Variants in FRYL observed in about 807,000 individuals in gnomAD.
FRYL encodes the protein FRY like transcription coactivator.
FRYL carries 150 observed loss-of-function variants against 351.2 expected under a neutral mutation model. The ratio of observed to expected loss-of-function variants is 0.43; its 90% CI spans 0.37 to 0.49. The LOEUF is 0.49. FRYL is among the 20% of genes least tolerant of loss of function. The probability of loss-of-function intolerance (pLI) is 0.00; values close to 1 mark genes in which losing one functional copy is unlikely to be tolerated. For missense variants in FRYL, 3,036 were observed against 3,619.3 expected, an observed-to-expected ratio of 0.84 and a Z score of 4.13; for synonymous variants, 1,153 against 1,257.1, an observed-to-expected ratio of 0.92 and a Z score of 1.75.
At chr4:48,602,282 AG>A (rs1745872577) in intron 12 of FRYL, among the ~76,000 whole-genome samples, 161 bp from the exon 13 acceptor site, 1 of 152,228 alleles carries the variant, frequency 6.6e-6, no homozygotes, top group African/African-American at 2.4e-5. Context: ...AATCTAACAC[AG>A]AAAGATAAAG....
chr4:48,713,347 C>T (rs977849681), intron 1 of FRYL, among the ~76,000 whole-genome samples: 5 of 152,038 alleles, frequency 3.3e-5, no homozygotes, highest in African/African-American at 1.2e-4. Context: ...AGAGTCACGA[C>T]CCATCAGTGT....
At position 48,512,517 on chromosome 4, in the gene FRYL, T is replaced by G; in HGVS notation, c.8109A>C (p.Ala2703=). 3 of 1,613,982 alleles carry G rather than the reference T, an allele frequency of 1.9e-6. No homozygotes were observed. The highest frequency in any genetic ancestry group is 2.5e-6 in the Non-Finnish European group (3 of 1,179,898). ...QMLSDTDGSS[A]VFTFHVFSRL... ...TAGAAAACACATGAAAAGTAAACAC[T>G]GCAGAGGACCCGTCGGTGTCAGACA... Residue 2703 remains alanine (A), a synonymous_variant, in exon 57 of 64, where the codon GCA becomes GCC. Coordinates refer to ENST00000358350, the MANE Select transcript of FRYL (RefSeq NM_015030.2).
chr4:48,675,660 C>T (rs986479846), intron 3 of FRYL, among the ~76,000 whole-genome samples: 13 of 152,322 alleles, frequency 8.5e-5, no homozygotes, highest in East Asian at 7.7e-4. Flanking sequence ...CTAGCCTCCC[C>T]GACGAGCACC....
intron 1 of FRYL, among the ~76,000 whole-genome samples, chr4:48,728,953 T>C (rs530729799): frequency 6.6e-6 from 1 of 152,334 alleles, no homozygotes; most frequent in South Asian, 2.1e-4. Context: ...GGTCAGGGGA[T>C]TTCCCTTTCC....
chr4:48,561,688 A>AAT, intron 32 of FRYL, 52 bp from the exon 33 acceptor site: 1 of 1,358,122 alleles, frequency 7.4e-7, no homozygotes, highest in Non-Finnish European at 1.0e-6. Context: ...GGGTTCTCTA[A>AAT]AGTTTAACTA....
rs993014244 is a variant in FRYL at position 48,497,796 on chromosome 4, C to G, written c.*1626G>C. The stretch of plus-strand genomic sequence containing the variant: ...AAAAAATACAGTGATTATGAATGAG[C>G]TGTGACCAGTTACGAAATTTTACTG... On this transcript the variant is annotated 3_prime_UTR_variant, in exon 64 of 64. Coordinates refer to ENST00000358350, the MANE Select transcript of FRYL (RefSeq NM_015030.2). 6 of 152,616 alleles carry G rather than the reference C, an allele frequency of 3.9e-5. No individual in the cohort carries two copies. Among genetic ancestry groups the G allele is most frequent in the Non-Finnish European group, 5.9e-5 (4 of 68,036 alleles). The allele number at this position is 152,616 out of a possible 1,614,324, so 9.5% of individuals were successfully genotyped here.
intron 4 of FRYL, among the ~76,000 whole-genome samples, chr4:48,627,727 A>C (rs1339032477): frequency 2.6e-5 from 4 of 152,202 alleles, no homozygotes; most frequent in Non-Finnish European, 5.9e-5. Context: ...GGTTCATTAT[A>C]GTGTAGTTGA....
Position 48,576,019 on chromosome 4 carries a change from G to T in FRYL, c.2721+11C>A. ...ATTTCATATATCCAACAGTGGATCT[G>T]AGAAACTTACTTTAGAATCAATGCT... On this transcript the variant is annotated intron_variant, in intron 24 of 63. Transcript: ENST00000358350. 2 of 1,558,820 alleles carry T rather than the reference G, an allele frequency of 1.3e-6. No homozygotes were observed. Among genetic ancestry groups the T allele is most frequent in the South Asian group, 2.4e-5 (2 of 82,450 alleles).
At chr4:48,688,155 C>CT (rs1024003580) in intron 2 of FRYL, among the ~76,000 whole-genome samples, 2 of 152,098 alleles carry the variant, frequency 1.3e-5, no homozygotes, top group African/African-American at 4.8e-5. Flanking sequence ...AGAAACCGCA[C>CT]TTTAAGATAT....
intron 19 of FRYL, among the ~76,000 whole-genome samples, chr4:48,583,337 G>A (rs1265499015): frequency 1.3e-5 from 2 of 152,024 alleles, no homozygotes; most frequent in South Asian, 2.1e-4. Context: ...ATTTTTAGTA[G>A]AGACGGGGTT....
chr4:48,699,909 C>A (rs184382512), intron 2 of FRYL, among the ~76,000 whole-genome samples: 16 of 152,202 alleles, frequency 1.1e-4, no homozygotes, highest in African/African-American at 3.4e-4. Flanking sequence ...ACATTTAAAT[C>A]ATATTAAGCT....
rs531486121 is a variant in FRYL, at chr4:48,700,768, C to T, written c.-204+9751G>A. On this transcript the variant is annotated intron_variant, in intron 2 of 63. Coordinates refer to ENST00000358350, the MANE Select transcript of FRYL (RefSeq NM_015030.2). The stretch of plus-strand genomic sequence containing the variant: ...AGTGAGCTATGATTGCACCACTGCA[C>T]TTCAGCCTGGGTGACAAAGCAAGAC... Among the ~76,000 whole-genome samples, 52 of 151,346 alleles carry T rather than the reference C, an allele frequency of 3.4e-4. 1 individual carries two copies. In the South Asian group the frequency reaches 9.0e-3, roughly 26 times the overall value.
At chr4:48,642,475 T>C (rs1403503938) in intron 3 of FRYL, among the ~76,000 whole-genome samples, 1 of 152,128 alleles carries the variant, frequency 6.6e-6, no homozygotes, top group African/African-American at 2.4e-5. Flanking sequence ...TCCCTCACTA[T>C]CCAGTTCAAT....
intron 9 of FRYL, among the ~76,000 whole-genome samples, chr4:48,607,657 C>G (rs12498166): frequency 0.031 from 4,683 of 152,270 alleles, 84 homozygotes; most frequent in Admixed American, 0.048. Flanking sequence ...CACCTGCCCC[C>G]TTAGGTGCTA....
At chr4:48,669,295 A>G (rs1447904085) in intron 3 of FRYL, among the ~76,000 whole-genome samples, 3 of 152,208 alleles carry the variant, frequency 2.0e-5, no homozygotes, top group Non-Finnish European at 4.4e-5. Context: ...GAGCAGGTGC[A>G]GCCTCAGAGT....
rs537010402 is a variant in FRYL, at chr4:48,512,840, A to G, written c.7938-152T>C. The stretch of plus-strand genomic sequence containing the variant: ...TGTACAACAACCTAAATCTTGTAAG[A>G]AAGTGTGAATAAGTGAATTCCTGTT... On this transcript the variant is annotated intron_variant, in intron 56 of 63. Transcript: ENST00000358350. 8.2e-6 allele frequency: 5 copies of G among 612,306 alleles called. No individual in the cohort carries two copies. The East Asian group carries it at 1.1e-4, about 14-fold the overall frequency. The allele number at this position is 612,306 out of a possible 1,614,324, so 37.9% of individuals were successfully genotyped here.
intron 3 of FRYL, chr4:48,646,105 T>C (rs1471599635): frequency 6.6e-6 from 1 of 152,220 alleles, no homozygotes; most frequent in Non-Finnish European, 1.5e-5. Flanking sequence ...ATGTATCAAA[T>C]GTAAGTCTGT....
At chr4:48,763,745 T>G (rs1774649572) in intron 1 of FRYL, among the ~76,000 whole-genome samples, 1 of 152,162 alleles carries the variant, frequency 6.6e-6, no homozygotes, top group African/African-American at 2.4e-5. Context: ...GGGTACCCAC[T>G]CTTACTACTT....
At chr4:48,695,293 G>C (rs921966349) in intron 2 of FRYL, among the ~76,000 whole-genome samples, 2 of 152,274 alleles carry the variant, frequency 1.3e-5, no homozygotes, top group East Asian at 3.9e-4. Context: ...AACTAGAAAA[G>C]TGGTGTTCGG....
Sources: allele counts gnomAD v4.1 joint callset (sites outside exome capture counted in the v4.1 genomes callset), GRCh38; gene constraint gnomAD v4.1.1; transcripts MANE v1.5; gene names NCBI Gene and HGNC (gene_info 2026-07-23, HGNC 2026-07-21).